The following BAK1 variants were observed in gnomAD, a reference collection of about 807,000 sequenced individuals.
BAK1 encodes the protein BCL2 antagonist/killer 1, also known as bcl-2 homologous antagonist/killer.
BAK1 carries 19 observed loss-of-function variants against 24.7 expected under a neutral mutation model. That is an observed-to-expected ratio of 0.77 (90% CI 0.54 to 1.13). BAK1 has a LOEUF of 1.13. Among genes scored for constraint, BAK1 ranks in the 50% most tolerant of loss-of-function variants. The probability of loss-of-function intolerance (pLI) is 0.00; values close to 1 mark genes in which losing one functional copy is unlikely to be tolerated. For missense variants in BAK1, 194 were observed against 279.4 expected (o/e 0.69, Z 2.18); for synonymous variants, 86 against 107.3 (o/e 0.80, Z 1.23).
chr6:33,573,760 A>C lies in BAK1; in HGVS notation c.*43T>G, dbSNP rs1270919706. The C allele has an allele frequency of 6.5e-7, 1 of 1,532,796 alleles. No individual in the cohort carries two copies. The highest frequency in any genetic ancestry group is 1.1e-5 in the South Asian group (1 of 89,066). The allele number at this position is 1,532,796 out of a possible 1,614,324, so 94.9% of individuals were successfully genotyped here. A position where few individuals can be genotyped will look rare whatever the true frequency, so the allele number is the denominator to read the frequency against. On this transcript the variant is annotated 3_prime_UTR_variant, in exon 6 of 6. Transcript: ENST00000374467. The stretch of plus-strand genomic sequence containing the variant: ...GAAGGCAAAGACTTCGCTTAAGTCC[A>C]GGCAGGGGTCTGAACCGGGACCCCA...
intron 4 of BAK1, chr6:33,574,610 C>T: frequency 2.5e-6 from 3 of 1,188,160 alleles, no homozygotes; most frequent in Non-Finnish European, 3.4e-6. Context: ...AGGCTGGCCT[C>T]TAAGTTCACG....
At position 33,575,643 on chromosome 6, in the gene BAK1, TG is replaced by T; in HGVS notation, c.206+149del. 1 of 1,356,836 alleles carries T rather than the reference TG, an allele frequency of 7.4e-7. No homozygotes were observed. Among genetic ancestry groups the T allele is most frequent in the Non-Finnish European group, 1.0e-6 (1 of 993,132 alleles). 84.0% of individuals were successfully genotyped at this position (1,356,836 alleles called of 1,614,324 possible). On this transcript the variant is annotated intron_variant, in intron 3 of 5. Coordinates refer to ENST00000374467, the MANE Select transcript of BAK1 (RefSeq NM_001188.4). The surrounding 1 kb of genome is among the most constrained non-coding windows in gnomAD (Gnocchi z 6.3). ...GCTAAAAAGGATACAAGGTCCTGGA[TG>T]GGGGTGGGAGCCCAACATAAAAGAG...
chr6:33,574,274 C>A, intron 4 of BAK1, 60 bp from the exon 5 acceptor site: 1 of 1,574,892 alleles, frequency 6.3e-7, no homozygotes, highest in African/African-American at 1.3e-5. Context: ...TTCAGCCTGC[C>A]TGGCCTCTCC....
intron 2 of BAK1, among the ~76,000 whole-genome samples, chr6:33,576,766 T>C (rs1762855477): frequency 1.3e-5 from 2 of 151,688 alleles, no homozygotes; most frequent in Admixed American, 1.3e-4. Flanking sequence ...GCACTTGCAT[T>C]GAGTCCTCAC....
chr6:33,577,401 C>T lies in BAK1; in HGVS notation c.70+134G>A, dbSNP rs868669700. The stretch of plus-strand genomic sequence containing the variant: ...TGACAGCAGCTCCAGCCTCTGAGCC[C>T]GTGGGTGGGGAAGAGTATTCCCCAC... On this transcript the variant is annotated intron_variant, in intron 2 of 5. Coordinates refer to ENST00000374467, the MANE Select transcript of BAK1 (RefSeq NM_001188.4). The surrounding 1 kb of genome is among the most constrained non-coding windows in gnomAD (Gnocchi z 4.6). The T allele has an allele frequency of 4.7e-5, 40 of 852,254 alleles. 1 individual carries two copies. Among genetic ancestry groups the T allele is most frequent in the South Asian group, 3.8e-4 (18 of 47,106 alleles). 52.8% of individuals were successfully genotyped at this position (852,254 alleles called of 1,614,324 possible).
At position 33,573,565 on chromosome 6, in the gene BAK1, G is replaced by A. The variant is rs1762795944; in HGVS notation, c.*238C>T. The A allele has an allele frequency of 3.5e-6, 2 of 574,978 alleles. No individual in the cohort carries two copies. The highest frequency in any genetic ancestry group is 4.3e-5 in the South Asian group (2 of 45,990). The allele number at this position is 574,978 out of a possible 1,614,324, so 35.6% of individuals were successfully genotyped here. Reference sequence around the variant, plus strand: ...GCTAAGGAGGTCCCAGAGAGCTGAGGGAGGAGACGGCCACAGCCCCTGGGC... The same window carrying A: ...GCTAAGGAGGTCCCAGAGAGCTGAGAGAGGAGACGGCCACAGCCCCTGGGC... On this transcript the variant is annotated 3_prime_UTR_variant, in exon 6 of 6. Coordinates refer to ENST00000374467, the MANE Select transcript of BAK1 (RefSeq NM_001188.4).
chr6:33,577,609 C>T lies in BAK1; in HGVS notation c.-5G>A. 1.3e-6 allele frequency: 2 copies of T among 1,548,874 alleles called. No homozygotes were observed. Among genetic ancestry groups the T allele is most frequent in the Non-Finnish European group, 1.7e-6 (2 of 1,145,086 alleles). On this transcript the variant is annotated 5_prime_UTR_variant, in exon 2 of 6. Transcript: ENST00000374467. The surrounding 1 kb of genome is among the most constrained non-coding windows in gnomAD (Gnocchi z 4.6). ...TGGGCCTTGCCCCGAAGCCATTTTT[C>T]AGGTCTCAGTGGAGGACGGGATCAG...
At position 33,573,416 on chromosome 6, in the gene BAK1, G is replaced by A. The variant is rs1327201626; in HGVS notation, c.*387C>T. 1 of 208,006 alleles carries A rather than the reference G, an allele frequency of 4.8e-6. No homozygotes were observed. The highest frequency in any genetic ancestry group is 2.3e-5 in the African/African-American group (1 of 43,912). The allele number at this position is 208,006 out of a possible 1,614,324, so 12.9% of individuals were successfully genotyped here. ...AGACGTCCTGGCCTCAGGTAGAATG[G>A]TGGGAATGGGCTCTCACAAGGGTAT... On this transcript the variant is annotated 3_prime_UTR_variant, in exon 6 of 6. Transcript: ENST00000374467.
At position 33,575,144 on chromosome 6, in the gene BAK1, T is replaced by C. The variant is rs1582065634; in HGVS notation, c.350+154A>G. ...AGTCTGGGACCCCGAAAGAGAAAAA[T>C]AGGGGGCCGAGACCACATGTGAGTT... On this transcript the variant is annotated intron_variant, in intron 4 of 5. Coordinates refer to ENST00000374467, the MANE Select transcript of BAK1 (RefSeq NM_001188.4). The surrounding 1 kb of genome is among the most constrained non-coding windows in gnomAD (Gnocchi z 6.3). 1.7e-6 allele frequency: 2 copies of C among 1,172,344 alleles called. No individual in the cohort carries two copies. Among genetic ancestry groups the C allele is most frequent in the Non-Finnish European group, 2.5e-6 (2 of 798,230 alleles). 72.6% of individuals were successfully genotyped at this position (1,172,344 alleles called of 1,614,324 possible).
At position 33,573,823 on chromosome 6, in the gene BAK1, G is replaced by T; in HGVS notation, c.616C>A (p.Arg206=). The part of the protein sequence containing the change: ...GVVLLGQFVV[R]RFFKS ...GGGAGTCATGATTTGAAGAATCTTC[G>T]TACCACAAACTGGCCCAACAGAACC... is the stretch of plus-strand genomic sequence containing the variant. Residue 206 remains arginine (R), a synonymous_variant, in exon 6 of 6, where the codon CGA becomes AGA. Transcript: ENST00000374467. 4 of 1,613,962 alleles carry T rather than the reference G, an allele frequency of 2.5e-6. No individual in the cohort carries two copies. The highest frequency in any genetic ancestry group is 3.4e-6 in the Non-Finnish European group (4 of 1,179,814).
chr6:33,579,026 G>A (rs1381968252), intron 1 of BAK1, among the ~76,000 whole-genome samples: 1 of 152,154 alleles, frequency 6.6e-6, no homozygotes, highest in Non-Finnish European at 1.5e-5. Context: ...ACTCCTCCTC[G>A]ATCTGCCGGA....
At chr6:33,574,602 G>T (rs1189140898) in intron 4 of BAK1, 59 of 1,245,304 alleles carry the variant, frequency 4.7e-5, no homozygotes, top group Non-Finnish European at 6.2e-5. Context: ...TGGTATGAAG[G>T]CTGGCCTCTA....
intron 1 of BAK1, among the ~76,000 whole-genome samples, chr6:33,579,271 T>G (rs1297631647): frequency 2.0e-5 from 3 of 152,086 alleles, no homozygotes; most frequent in Non-Finnish European, 4.4e-5. Context: ...GCTTGAACCT[T>G]GGAGGCGGAG....
Position 33,573,819 on chromosome 6 carries a change from C to T in BAK1, c.620G>A (p.Arg207Lys), listed in dbSNP as rs1169211908. The T allele has an allele frequency of 1.9e-6, 3 of 1,613,964 alleles. No individual in the cohort carries two copies. The highest frequency in any genetic ancestry group is 2.5e-6 in the Non-Finnish European group (3 of 1,179,910). ...CCTTGGGAGTCATGATTTGAAGAAT[C>T]TTCGTACCACAAACTGGCCCAACAG... ...VVLLGQFVVR[R>K]FFKS The change falls in exon 6 of 6, where the codon AGA (arginine) becomes AAA (lysine). Residue 207 changes from arginine (R) to lysine (K), a missense_variant. Arg to Lys is a conservative substitution (Grantham distance 26). Coordinates refer to ENST00000374467, the MANE Select transcript of BAK1 (RefSeq NM_001188.4).
rs567285544 is a variant in BAK1, at chr6:33,577,066, G to T, written c.70+469C>A. On this transcript the variant is annotated intron_variant, in intron 2 of 5. Coordinates refer to ENST00000374467, the MANE Select transcript of BAK1 (RefSeq NM_001188.4). The surrounding 1 kb of genome is among the most constrained non-coding windows in gnomAD (Gnocchi z 4.6). ...AGTCCAGGGAACAGCCCGCCGTGAG[G>T]TGTGAGCTGGGGCTTCCCTGGCTAT... Among the ~76,000 whole-genome samples the T allele has an allele frequency of 1.3e-5, 2 of 152,344 alleles. No individual in the cohort carries two copies. Among genetic ancestry groups the T allele is most frequent in the South Asian group, 4.1e-4 (2 of 4,830 alleles).
chr6:33,574,418 T>A (rs1193816240), intron 4 of BAK1: 1 of 1,487,472 alleles, frequency 6.7e-7, no homozygotes, highest in Non-Finnish European at 9.1e-7. Flanking sequence ...ATGAGCTGGA[T>A]GCCACTGCTG....
intron 1 of BAK1, among the ~76,000 whole-genome samples, chr6:33,579,785 GA>G (rs1433349888): frequency 6.6e-6 from 1 of 152,198 alleles, no homozygotes; most frequent in Non-Finnish European, 1.5e-5. Flanking sequence ...CCATCTCCCA[GA>G]CTGTTAAAGG....
intron 4 of BAK1, 126 bp from the exon 5 acceptor site, chr6:33,574,340 G>T: frequency 6.9e-7 from 1 of 1,442,004 alleles, no homozygotes; most frequent in Non-Finnish European, 9.5e-7. Context: ...GGCCGCAGAG[G>T]CTGCCCCAAC....
rs1211068222 is a variant in BAK1, at chr6:33,575,021, G to A, written c.350+277C>T. On this transcript the variant is annotated intron_variant, in intron 4 of 5. Transcript: ENST00000374467. The surrounding 1 kb of genome is among the most constrained non-coding windows in gnomAD (Gnocchi z 6.3). ...CCAGCTGGGCTGGGGAGCTGTGGGGGACGTCCCCACCTCAGGCCCCCTCTA... is the reference window on the plus strand; with the variant it reads ...CCAGCTGGGCTGGGGAGCTGTGGGGAACGTCCCCACCTCAGGCCCCCTCTA... Among the ~76,000 whole-genome samples, 1 of 152,238 alleles carries A rather than the reference G, an allele frequency of 6.6e-6. No individual in the cohort carries two copies. Among genetic ancestry groups the A allele is most frequent in the Non-Finnish European group, 1.5e-5 (1 of 68,052 alleles).
Sources: allele counts gnomAD v4.1 joint callset (sites outside exome capture counted in the v4.1 genomes callset), GRCh38; gene constraint gnomAD v4.1.1; non-coding constraint Gnocchi (gnomAD v3.1); transcripts MANE v1.5; gene names NCBI Gene and HGNC (gene_info 2026-07-23, HGNC 2026-07-21).